The following FAM78B variants were observed in gnomAD, a reference collection of about 807,000 sequenced individuals.
The protein encoded by FAM78B is family with sequence similarity 78 member B, also known as protein FAM78B.
In FAM78B, 10 loss-of-function variants were observed where a neutral mutation model predicts 20.0. The observed-to-expected ratio is 0.50, with a 90% CI of 0.31 to 0.85. The LOEUF (loss-of-function observed/expected upper bound fraction) is 0.85, where lower values mean the gene tolerates loss of function less well. Among genes scored for constraint, FAM78B ranks in the 40% least tolerant of loss-of-function variants. The probability of loss-of-function intolerance (pLI) is 0.05; values close to 1 mark genes in which losing one functional copy is unlikely to be tolerated. For synonymous variants in FAM78B, 135 were observed against 132.8 expected, an observed-to-expected ratio of 1.02 and a Z score of -0.12; for missense variants, 283 against 345.0, an observed-to-expected ratio of 0.82 and a Z score of 1.42.
intron 1 of FAM78B, among the ~76,000 whole-genome samples, chr1:166,141,693 C>T (rs1054973742): frequency 2.0e-5 from 3 of 152,210 alleles, no homozygotes; most frequent in Non-Finnish European, 4.4e-5. Context: ...TATGTGAGGC[C>T]TGTCAAAGGC....
intron 1 of FAM78B, among the ~76,000 whole-genome samples, chr1:166,092,212 T>C (rs1653104704): frequency 6.6e-6 from 1 of 152,192 alleles, no homozygotes; most frequent in Admixed American, 6.5e-5. Context: ...TCAATGTTTG[T>C]TAATTATCTG....
At chr1:166,065,679 T>C (rs1379279021), downstream of FAM78B, among the ~76,000 whole-genome samples, 2 of 152,180 alleles carry the variant, frequency 1.3e-5, no homozygotes, top group East Asian at 1.9e-4. Context: ...ATCTGGCAAC[T>C]GGCAACTCTT....
chr1:166,080,557 G>A (rs1210180734), intron 1 of FAM78B, among the ~76,000 whole-genome samples: 1 of 152,212 alleles, frequency 6.6e-6, no homozygotes, highest in African/African-American at 2.4e-5. Flanking sequence ...AATCCTGACT[G>A]CTGCGTTAAC....
Position 166,070,755 on chromosome 1 carries a change from C to A in FAM78B, c.272G>T (p.Trp91Leu). 6.4e-7 allele frequency: 1 copy of A among 1,555,558 alleles called. No homozygotes were observed. Reference sequence around the variant, plus strand: ...CCCTTCCCTCAAGTCAGGCAGTTCCCAGCTTGACCTGGCAAAGCAGAAGAC... The same window carrying A: ...CCCTTCCCTCAAGTCAGGCAGTTCCAAGCTTGACCTGGCAAAGCAGAAGAC... Reference protein sequence around the residue: ...NTYSDLGMSSWELPDLREGRV... With the variant: ...NTYSDLGMSSLELPDLREGRV... The change falls in exon 2 of 2, where the codon TGG (tryptophan) becomes TTG (leucine). Residue 91 changes from tryptophan (W) to leucine (L), a missense_variant. By Grantham distance (61) the Trp-to-Leu change is moderately conservative (BLOSUM62 -2). Coordinates refer to ENST00000354422, the MANE Select transcript of FAM78B (RefSeq NM_001017961.5).
chr1:166,095,569 T>A (rs988849048), intron 1 of FAM78B, among the ~76,000 whole-genome samples: 11 of 152,096 alleles, frequency 7.2e-5, no homozygotes, highest in African/African-American at 2.7e-4. Context: ...CATACTGTTT[T>A]TAATAGGAGC....
chr1:166,130,010 C>G (rs1654815614), intron 1 of FAM78B, among the ~76,000 whole-genome samples: 1 of 152,242 alleles, frequency 6.6e-6, no homozygotes, highest in South Asian at 2.1e-4. Context: ...CCCTCTGATT[C>G]AAGCCCCTTC....
intron 1 of FAM78B, among the ~76,000 whole-genome samples, chr1:166,121,748 C>A (rs551773511): frequency 6.6e-6 from 1 of 152,164 alleles, no homozygotes; most frequent in Non-Finnish European, 1.5e-5. Flanking sequence ...CTATTACTAC[C>A]GTCATTCTAT....
At chr1:166,109,866 G>GTGTATATATA (rs1653957868) in intron 1 of FAM78B, among the ~76,000 whole-genome samples, 1 of 17,168 alleles carries the variant, frequency 5.8e-5, no homozygotes, top group Non-Finnish European at 1.2e-4. Context: ...ATATATGTAT[G>GTGTATATATA]TGTATATATA....
chr1:166,123,898 G>C (rs1654549502), intron 1 of FAM78B, among the ~76,000 whole-genome samples: 1 of 152,206 alleles, frequency 6.6e-6, no homozygotes, highest in Non-Finnish European at 1.5e-5. Context: ...CCCATCGCTT[G>C]ATAATTATTG....
chr1:166,107,017 T>C (rs562861898), intron 1 of FAM78B, among the ~76,000 whole-genome samples: 1 of 151,606 alleles, frequency 6.6e-6, no homozygotes, highest in East Asian at 1.9e-4. Context: ...AAGAGGAAAG[T>C]TCCTAGACCT....
At chr1:166,074,010 T>C (rs918698970) in intron 1 of FAM78B, among the ~76,000 whole-genome samples, 5 of 152,338 alleles carry the variant, frequency 3.3e-5, no homozygotes, top group African/African-American at 9.6e-5. Flanking sequence ...CCTGGTCTAC[T>C]GGAATGGCGC....
At position 166,166,005 on chromosome 1, in the gene FAM78B, T is replaced by C. The variant is rs1224469111; in HGVS notation, c.244A>G (p.Thr82Ala). 6 of 1,612,956 alleles carry C rather than the reference T, an allele frequency of 3.7e-6. No homozygotes were observed. The highest frequency in any genetic ancestry group is 1.3e-5 in the African/African-American group (1 of 74,716). Reference protein sequence around the residue: ...QACNQMEFFNTYSDLGMSSWE... With the variant: ...QACNQMEFFNAYSDLGMSSWE... ...GCTTACATGCCCAGGTCGCTGTAGGTGTTGAAGAACTCCATCTGATTGCAC... is the reference window on the plus strand; with the variant it reads ...GCTTACATGCCCAGGTCGCTGTAGGCGTTGAAGAACTCCATCTGATTGCAC... The change falls in exon 1 of 2, where the codon ACC becomes GCC. Residue 82 changes from threonine (T) to alanine (A), a missense_variant. Transcript: ENST00000354422.
At chr1:166,140,381 G>A (rs1481682571) in intron 1 of FAM78B, among the ~76,000 whole-genome samples, 1 of 152,222 alleles carries the variant, frequency 6.6e-6, no homozygotes, top group African/African-American at 2.4e-5. Context: ...TATGTAAACC[G>A]AACTCCAGAT....
chr1:166,097,539 C>T (rs759882223), intron 1 of FAM78B, among the ~76,000 whole-genome samples: 3 of 150,468 alleles, frequency 2.0e-5, no homozygotes, highest in Admixed American at 6.8e-5. Context: ...GGAGTGAGAC[C>T]AGCCCTTTGG....
At chr1:166,080,127 A>G (rs1214215321) in intron 1 of FAM78B, among the ~76,000 whole-genome samples, 1 of 152,216 alleles carries the variant, frequency 6.6e-6, no homozygotes, top group Non-Finnish European at 1.5e-5. Flanking sequence ...TCTGATTCTA[A>G]ACACATGCTT....
chr1:166,124,910 C>T (rs1321836997), intron 1 of FAM78B, among the ~76,000 whole-genome samples: 2 of 152,176 alleles, frequency 1.3e-5, no homozygotes, highest in Non-Finnish European at 2.9e-5. Context: ...GGAGAAGGGA[C>T]ACAGACACCC....
intron 1 of FAM78B, among the ~76,000 whole-genome samples, chr1:166,116,470 C>T (rs990728184): frequency 4.6e-5 from 7 of 152,206 alleles, no homozygotes; most frequent in Admixed American, 1.3e-4. Flanking sequence ...GAAAGAGAAG[C>T]GTCTGCCCTC....
chr1:166,151,139 G>A (rs899192671), intron 1 of FAM78B, among the ~76,000 whole-genome samples: 7 of 152,102 alleles, frequency 4.6e-5, no homozygotes, highest in Admixed American at 3.3e-4. Context: ...ACAAATGCAC[G>A]TAGACTTGTA....
chr1:166,072,803 G>T (rs974275059), intron 1 of FAM78B, among the ~76,000 whole-genome samples: 1 of 152,166 alleles, frequency 6.6e-6, no homozygotes, highest in Non-Finnish European at 1.5e-5. Flanking sequence ...TACACACAGG[G>T]CTTACTGTGG....
Sources: gnomAD v4.1 joint callset for allele counts (sites outside exome capture counted in the v4.1 genomes callset) on GRCh38, gnomAD v4.1.1 for gene constraint, MANE v1.5 for transcripts, NCBI Gene and HGNC (gene_info 2026-07-23, HGNC 2026-07-21) for gene names.